Variants in SNAP25 observed in about 807,000 individuals in gnomAD.
The protein encoded by SNAP25 is synaptosomal-associated protein 25.
SNAP25 carries 3 observed loss-of-function variants against 28.7 expected under a neutral mutation model. That is an observed-to-expected ratio of 0.10 (90% CI 0.05 to 0.27). SNAP25 has a LOEUF of 0.27. Ranked by LOEUF, SNAP25 falls within the 10% of genes least tolerant of loss-of-function variation. The pLI, the probability that SNAP25 is intolerant of heterozygous loss-of-function variation, is 1.00. For synonymous variants in SNAP25, 61 were observed against 88.1 expected (o/e 0.69, Z 1.72); for missense variants, 117 against 278.7 (o/e 0.42, Z 4.13).
chr20:10,235,465 A>G (rs1202481745), intron 1 of SNAP25, among the ~76,000 whole-genome samples: 5 of 152,184 alleles, frequency 3.3e-5, no homozygotes, highest in African/African-American at 1.2e-4. Flanking sequence ...ACAACTGTAA[A>G]ATGATATGAA....
At chr20:10,257,190 T>A (rs536327861) in intron 1 of SNAP25, among the ~76,000 whole-genome samples, 3 of 152,278 alleles carry the variant, frequency 2.0e-5, no homozygotes, top group African/African-American at 7.2e-5. Context: ...TTGAGAACTA[T>A]GGGCATATGA....
intron 1 of SNAP25, among the ~76,000 whole-genome samples, chr20:10,257,882 CAAAAAAAAAA>C (rs57183397): frequency 1.2e-5 from 1 of 84,220 alleles, no homozygotes; most frequent in Non-Finnish European, 2.4e-5. Context: ...GACTCTGTCT[CAAAAAAAAAA>C]AAAAAAAAAA....
At chr20:10,258,819 T>G (rs751235033) in intron 1 of SNAP25, among the ~76,000 whole-genome samples, 1 of 152,244 alleles carries the variant, frequency 6.6e-6, no homozygotes. Flanking sequence ...GGAGCTCTTC[T>G]GCCATCAAAT....
At chr20:10,244,025 G>A (rs192612515) in intron 1 of SNAP25, among the ~76,000 whole-genome samples, 2 of 152,154 alleles carry the variant, frequency 1.3e-5, no homozygotes, top group African/African-American at 4.8e-5. Context: ...CTTCCTGACT[G>A]TTACCTTGGG....
At chr20:10,269,916 C>G (rs916524117) in intron 1 of SNAP25, among the ~76,000 whole-genome samples, 1 of 152,220 alleles carries the variant, frequency 6.6e-6, no homozygotes. Context: ...TTCCCGAAAG[C>G]CCCTGGTTAA....
At chr20:10,278,170 T>C (rs1307526186) in intron 3 of SNAP25, 1 of 152,926 alleles carries the variant, frequency 6.5e-6, no homozygotes, top group East Asian at 1.9e-4. Flanking sequence ...TGTACGCATA[T>C]AGGTGTATCA....
At chr20:10,267,100 C>T (rs757092572) in intron 1 of SNAP25, among the ~76,000 whole-genome samples, 16 of 152,108 alleles carry the variant, frequency 1.1e-4, no homozygotes, top group Non-Finnish European at 2.2e-4. Flanking sequence ...ACAAAAAAAC[C>T]TCTAATATTT....
intron 1 of SNAP25, among the ~76,000 whole-genome samples, chr20:10,253,366 T>A (rs1245894719): frequency 1.3e-5 from 2 of 152,208 alleles, no homozygotes; most frequent in Non-Finnish European, 2.9e-5. Context: ...ATCTCAGTGA[T>A]GAGGACTCTG....
At chr20:10,251,497 T>C (rs774993573) in intron 1 of SNAP25, among the ~76,000 whole-genome samples, 6 of 152,128 alleles carry the variant, frequency 3.9e-5, no homozygotes, top group Non-Finnish European at 7.4e-5. Context: ...ATAGCAGACA[T>C]TGGAAGGATT....
At chr20:10,236,611 A>G (rs868770743) in intron 1 of SNAP25, among the ~76,000 whole-genome samples, 13 of 152,112 alleles carry the variant, frequency 8.5e-5, no homozygotes, top group African/African-American at 2.9e-4. Context: ...CCTCTGCCCA[A>G]TGAGCACTTT....
At chr20:10,297,523 C>CAGGACTAATAACA (rs1246526447) in intron 6 of SNAP25, among the ~76,000 whole-genome samples, 3 of 152,118 alleles carry the variant, frequency 2.0e-5, no homozygotes, top group African/African-American at 7.2e-5. Context: ...GAGGGGTGGG[C>CAGGACTAATAACA]AGGACTAATA....
intron 1 of SNAP25, among the ~76,000 whole-genome samples, chr20:10,241,730 G>A (rs1017469995): frequency 2.0e-5 from 3 of 152,152 alleles, no homozygotes; most frequent in Admixed American, 6.5e-5. Context: ...GGCAAGGTGG[G>A]TGCTTTCAAG....
intron 3 of SNAP25, chr20:10,277,995 G>A: frequency 3.1e-6 from 1 of 323,982 alleles, no homozygotes. Context: ...GTGCTCTCAA[G>A]AAATCACAGA....
At chr20:10,257,230 T>C (rs1297131779) in intron 1 of SNAP25, among the ~76,000 whole-genome samples, 1 of 152,186 alleles carries the variant, frequency 6.6e-6, no homozygotes, top group African/African-American at 2.4e-5. Flanking sequence ...AATTCTTCAC[T>C]GAGAAGACTT....
At chr20:10,305,339 T>G (rs1188137389) in intron 7 of SNAP25, among the ~76,000 whole-genome samples, 1 of 152,092 alleles carries the variant, frequency 6.6e-6, no homozygotes, top group East Asian at 1.9e-4. Flanking sequence ...CCCAGGAGTT[T>G]GAGACCAGCC....
rs200030321 is a variant in SNAP25, at chr20:10,299,394, C to T, written c.534C>T (p.Ile178=). ...GNEIDTQNRQ[I]DRIMEKADSN... ...AGATCGATACACAGAATCGCCAGAT[C>T]GACAGGATCATGGAGAAGGTGAGCA... is the stretch of plus-strand genomic sequence containing the variant. The change falls in exon 7 of 8, where the codon ATC becomes ATT. Residue 178 remains isoleucine (I), a synonymous_variant. Coordinates refer to ENST00000254976, the MANE Select transcript of SNAP25 (RefSeq NM_130811.4). 1.6e-4 allele frequency: 260 copies of T among 1,613,448 alleles called. No homozygotes were observed. Among genetic ancestry groups the T allele is most frequent in the African/African-American group, 3.9e-4 (29 of 74,860 alleles).
intron 1 of SNAP25, among the ~76,000 whole-genome samples, chr20:10,247,871 T>C (rs1038021809): frequency 6.6e-6 from 1 of 152,230 alleles, no homozygotes; most frequent in Non-Finnish European, 1.5e-5. Flanking sequence ...CATTCATTTA[T>C]TTAGCTCATG....
At chr20:10,261,169 C>A (rs907735362) in intron 1 of SNAP25, among the ~76,000 whole-genome samples, 3 of 152,034 alleles carry the variant, frequency 2.0e-5, no homozygotes, top group African/African-American at 7.3e-5. Flanking sequence ...TACCCTCATA[C>A]CCTCAATCAT....
chr20:10,278,630 T>C (rs2063729921), intron 3 of SNAP25, among the ~76,000 whole-genome samples: 1 of 152,176 alleles, frequency 6.6e-6, no homozygotes, highest in African/African-American at 2.4e-5. Context: ...TGTGTGATTA[T>C]CGTTTTTAGA....
Sources: gnomAD v4.1 joint callset for allele counts (sites outside exome capture counted in the v4.1 genomes callset) on GRCh38, gnomAD v4.1.1 for gene constraint, MANE v1.5 for transcripts, NCBI Gene and HGNC (gene_info 2026-07-23, HGNC 2026-07-21) for gene names.